CDC25C: variants seen among roughly 807,000 people sequenced by gnomAD.
The protein encoded by CDC25C is M-phase inducer phosphatase 3.
In CDC25C, 48 loss-of-function variants were observed where a neutral mutation model predicts 52.5. The observed-to-expected ratio is 0.91, with a 90% confidence interval of 0.72 to 1.16. CDC25C has a LOEUF of 1.16. CDC25C is among the 50% of genes most tolerant of loss of function. The pLI is 0.00. For synonymous variants in CDC25C, 187 were observed against 206.5 expected, an observed-to-expected ratio of 0.91 and a Z score of 0.81; for missense variants, 510 against 566.1, an observed-to-expected ratio of 0.90 and a Z score of 1.01.
intron 2 of CDC25C, among the ~76,000 whole-genome samples, chr5:138,330,179 C>T (rs1760242927): frequency 1.3e-5 from 2 of 152,110 alleles, no homozygotes; most frequent in Admixed American, 6.6e-5. Context: ...TCCTTACCAA[C>T]ATACTGAAAC....
chr5:138,293,607 T>C (rs1156300285), intron 7 of CDC25C, among the ~76,000 whole-genome samples: 2 of 151,978 alleles, frequency 1.3e-5, no homozygotes, highest in African/African-American at 4.8e-5. Flanking sequence ...CTAAGAGCCA[T>C]ATTACTAAGA....
intron 7 of CDC25C, among the ~76,000 whole-genome samples, chr5:138,296,862 C>CCCAAA (rs978485797): frequency 6.9e-6 from 1 of 145,676 alleles, no homozygotes; most frequent in Non-Finnish European, 1.5e-5. Context: ...GCCTCGGCCT[C>CCCAAA]CCAAAGTGCT....
chr5:138,305,568 AT>A (rs1445031320), intron 7 of CDC25C, among the ~76,000 whole-genome samples: 2 of 152,072 alleles, frequency 1.3e-5, no homozygotes, highest in East Asian at 3.9e-4. Flanking sequence ...TGCCTGGCTA[AT>A]TTTTATTTTT....
intron 3 of CDC25C, 159 bp from the exon 4 acceptor site, chr5:138,328,688 G>T: frequency 1.7e-6 from 1 of 597,696 alleles, no homozygotes; most frequent in Non-Finnish European, 3.0e-6. Flanking sequence ...ATGGTACAAG[G>T]TACAATTTCA....
At chr5:138,292,480 C>CAAAAAAAAAAAAAAAAAAA (rs70982703) in intron 7 of CDC25C, among the ~76,000 whole-genome samples, 1 of 63,510 alleles carries the variant, frequency 1.6e-5, no homozygotes. Flanking sequence ...GTTATGTGAC[C>CAAAAAAAAAAAAAAAAAAA]AAAAAAAAAA....
intron 7 of CDC25C, among the ~76,000 whole-genome samples, chr5:138,315,431 G>T (rs1022155958): frequency 3.9e-5 from 6 of 152,016 alleles, no homozygotes; most frequent in Admixed American, 6.6e-5. Flanking sequence ...GATAACAGAG[G>T]ACTACTGTAT....
intron 10 of CDC25C, among the ~76,000 whole-genome samples, chr5:138,289,167 A>AT (rs2126648710): frequency 6.6e-6 from 1 of 152,214 alleles, no homozygotes; most frequent in African/African-American, 2.4e-5. Context: ...GGGTTTCGCC[A>AT]TGTTGGCCAG....
exon 1 of CDC25C, chr5:138,338,023 C>G: frequency 7.8e-7 from 1 of 1,289,660 alleles, no homozygotes; most frequent in Non-Finnish European, 1.0e-6. Flanking sequence ...CCACTTTCTG[C>G]GATATTTTGG....
intron 7 of CDC25C, among the ~76,000 whole-genome samples, chr5:138,302,862 C>T (rs1381639185): frequency 6.6e-6 from 1 of 150,848 alleles, no homozygotes; most frequent in African/African-American, 2.4e-5. Flanking sequence ...GAGTTCAAGA[C>T]CAGCCTGGAC....
intron 6 of CDC25C, among the ~76,000 whole-genome samples, chr5:138,321,099 C>T (rs1759346266): frequency 6.6e-6 from 1 of 151,684 alleles, no homozygotes; most frequent in African/African-American, 2.4e-5. Context: ...CACACACACA[C>T]ATGAAAGGAC....
chr5:138,316,567 CA>C (rs1213353123), intron 7 of CDC25C, among the ~76,000 whole-genome samples: 1 of 152,132 alleles, frequency 6.6e-6, no homozygotes, highest in Non-Finnish European at 1.5e-5. Flanking sequence ...TAGTCCCACC[CA>C]CTGGATGGGG....
At chr5:138,319,132 C>T (rs1055418626) in intron 7 of CDC25C, 87 bp downstream of exon 7, 2 of 1,215,656 alleles carry the variant, frequency 1.6e-6, no homozygotes, top group African/African-American at 1.5e-5. Context: ...CTCAAATAAA[C>T]TCTCCTAAGT....
chr5:138,285,733 G>A lies in CDC25C; in HGVS notation c.1381C>T (p.Arg461Trp), dbSNP rs143869974. ...SKVQEGERQL[R>W]EQIALLVKDM... ...TTCACCAGAAGGGCAATCTGCTCCC[G>A]CAGCTGCCGCTCCCCTTCCTGCACT... The change falls in exon 14 of 14, where the codon CGG (arginine) becomes TGG (tryptophan). Residue 461 changes from arginine (R) to tryptophan (W), a missense_variant. Arg to Trp is a moderately radical substitution (Grantham distance 101). Transcript: ENST00000323760. 2.4e-4 allele frequency: 390 copies of A among 1,614,044 alleles called. No individual in the cohort carries two copies. The highest frequency in any genetic ancestry group is 2.8e-4 in the Non-Finnish European group (336 of 1,179,996).
At chr5:138,325,998 C>T in intron 5 of CDC25C, 23 bp downstream of exon 5, 1 of 1,614,010 alleles carries the variant, frequency 6.2e-7, no homozygotes, top group Non-Finnish European at 8.5e-7. Flanking sequence ...AAAACAAAAC[C>T]CAAAAAAAGA....
chr5:138,302,167 G>C (rs1757677135), intron 7 of CDC25C, among the ~76,000 whole-genome samples: 1 of 148,748 alleles, frequency 6.7e-6, no homozygotes, highest in Non-Finnish European at 1.5e-5. Flanking sequence ...GCTAGTTTTT[G>C]TATTTTTTTG....
At chr5:138,326,588 G>A (rs531332907) in intron 4 of CDC25C, among the ~76,000 whole-genome samples, 10 of 152,156 alleles carry the variant, frequency 6.6e-5, no homozygotes, top group Admixed American at 3.9e-4. Context: ...TGATCCGCCC[G>A]CCTCAGCCTC....
At chr5:138,299,193 GAA>G (rs1161142032) in intron 7 of CDC25C, among the ~76,000 whole-genome samples, 46 of 74,876 alleles carry the variant, frequency 6.1e-4, no homozygotes, top group Non-Finnish European at 6.7e-4. Context: ...ACTCTGTCTG[GAA>G]AAAAAAAAAA....
intron 2 of CDC25C, among the ~76,000 whole-genome samples, chr5:138,330,415 G>A (rs749587586): frequency 6.6e-6 from 1 of 152,140 alleles, no homozygotes; most frequent in Non-Finnish European, 1.5e-5. Flanking sequence ...TGACCGACTC[G>A]TAATGCAGCG....
intron 4 of CDC25C, among the ~76,000 whole-genome samples, chr5:138,326,812 C>T (rs113606664): frequency 0.16 from 23,673 of 151,846 alleles, 2,005 homozygotes; most frequent in Non-Finnish European, 0.18. Context: ...ATTAGCCAGG[C>T]ATGGTGGCGC....
Sources: gnomAD v4.1 joint callset for allele counts (sites outside exome capture counted in the v4.1 genomes callset) on GRCh38, gnomAD v4.1.1 for gene constraint, MANE v1.5 for transcripts, NCBI Gene and HGNC (gene_info 2026-07-23, HGNC 2026-07-21) for gene names.